The following RFX3 variants were observed in gnomAD, a reference collection of about 807,000 sequenced individuals.
RFX3 encodes regulatory factor X3.
A neutral mutation model predicts 98.6 loss-of-function variants in RFX3; 14 were observed. The observed-to-expected ratio is 0.14, with a 90% confidence interval of 0.09 to 0.22. The LOEUF is 0.22. RFX3 is among the 10% of genes least tolerant of loss of function. The pLI, the probability that RFX3 is intolerant of heterozygous loss-of-function variation, is 1.00. For missense variants in RFX3, 639 were observed against 926.9 expected (o/e 0.69, Z 4.03); for synonymous variants, 383 against 328.4 (o/e 1.17, Z -1.80).
At chr9:3,503,554 G>A (rs1816281293) in intron 1 of RFX3, among the ~76,000 whole-genome samples, 1 of 151,940 alleles carries the variant, frequency 6.6e-6, no homozygotes, top group Non-Finnish European at 1.5e-5. Context: ...AACTGAAATG[G>A]AAAATATGGT....
intron 1 of RFX3, among the ~76,000 whole-genome samples, chr9:3,520,201 A>G (rs1249148509): frequency 6.6e-6 from 1 of 152,228 alleles, no homozygotes; most frequent in Non-Finnish European, 1.5e-5. Flanking sequence ...TAGCAAGACC[A>G]GTATTTAAAC....
At chr9:3,368,190 G>C (rs1587353222) in intron 2 of RFX3, among the ~76,000 whole-genome samples, 1 of 151,968 alleles carries the variant, frequency 6.6e-6, no homozygotes, top group South Asian at 2.1e-4. Context: ...ATATTACTCT[G>C]AAAGCAGTTT....
intron 1 of RFX3, among the ~76,000 whole-genome samples, chr9:3,431,110 T>C (rs963309520): frequency 4.6e-5 from 7 of 152,222 alleles, no homozygotes; most frequent in Non-Finnish European, 7.3e-5. Context: ...GTGTTGCTAT[T>C]GTGAGTGAGC....
intron 1 of RFX3, among the ~76,000 whole-genome samples, chr9:3,462,234 C>T (rs1028261586): frequency 6.6e-6 from 1 of 151,940 alleles, no homozygotes; most frequent in African/African-American, 2.4e-5. Flanking sequence ...CAGATAATGA[C>T]AAAATGGGAT....
At chr9:3,466,141 G>T (rs377311128) in intron 1 of RFX3, among the ~76,000 whole-genome samples, 1 of 152,168 alleles carries the variant, frequency 6.6e-6, no homozygotes, top group South Asian at 2.1e-4. Context: ...TTTTTACTCT[G>T]TAGCAGGAAA....
chr9:3,411,294 A>G (rs1417207473), intron 1 of RFX3, among the ~76,000 whole-genome samples: 2 of 152,170 alleles, frequency 1.3e-5, no homozygotes, highest in Admixed American at 6.6e-5. Context: ...AGAGCAACCC[A>G]GTCCATCTTC....
At chr9:3,507,255 A>AT (rs1189808278) in intron 1 of RFX3, among the ~76,000 whole-genome samples, 1 of 151,942 alleles carries the variant, frequency 6.6e-6, no homozygotes, top group Non-Finnish European at 1.5e-5. Context: ...TTTAGAAGAG[A>AT]TTAATTGAAG....
At chr9:3,352,598 A>AT (rs1247093287) in intron 2 of RFX3, among the ~76,000 whole-genome samples, 1 of 152,112 alleles carries the variant, frequency 6.6e-6, no homozygotes, top group East Asian at 1.9e-4. Flanking sequence ...TTGAAAGATT[A>AT]TAAGACTTCC....
intron 1 of RFX3, among the ~76,000 whole-genome samples, chr9:3,496,294 T>C (rs113514741): frequency 0.09 from 13,658 of 152,072 alleles, 815 homozygotes; most frequent in Middle Eastern, 0.13. Context: ...TATTTTTTTC[T>C]ATTACTGCTC....
At position 3,341,654 on chromosome 9, in the gene RFX3, A is replaced by G. The variant is rs745743462; in HGVS notation, c.215+5013T>C. On this transcript the variant is annotated intron_variant, in intron 3 of 16. Coordinates refer to ENST00000617270, the MANE Select transcript of RFX3 (RefSeq NM_001282116.2). ...TTCATTCAGCAAATATAGATTGAGC[A>G]CCGATCATGGGCCATTGTTTTAGGT... Among the ~76,000 whole-genome samples, 14 of 152,196 alleles carry G rather than the reference A, an allele frequency of 9.2e-5. No individual in the cohort carries two copies. The South Asian group carries it at 2.7e-3, about 29-fold the overall frequency.
chr9:3,435,270 T>G (rs1216885114), intron 1 of RFX3, among the ~76,000 whole-genome samples: 1 of 152,096 alleles, frequency 6.6e-6, no homozygotes, highest in Admixed American at 6.6e-5. Context: ...CTTTATAAAC[T>G]TTTTAATTTT....
Position 3,219,542 on chromosome 9 carries a change from AC to A in RFX3, c.*5499del, listed in dbSNP as rs1158048270. 4 of 152,156 alleles carry A rather than the reference AC, an allele frequency of 2.6e-5. No individual in the cohort carries two copies. The highest frequency in any genetic ancestry group is 7.2e-5 in the African/African-American group (3 of 41,438). The allele number at this position is 152,156 out of a possible 1,614,324, so 9.4% of individuals were successfully genotyped here. A position where few individuals can be genotyped will look rare whatever the true frequency, so the allele number is the denominator to read the frequency against. On this transcript the variant is annotated 3_prime_UTR_variant, in exon 17 of 17. Coordinates refer to ENST00000617270, the MANE Select transcript of RFX3 (RefSeq NM_001282116.2). ...AAAACACATTTTTCTTTTTAAAAAA[AC>A]ATATTATCAATTATTTCAAATGAAA...
Position 3,270,396 on chromosome 9 carries a change from G to A in RFX3, c.1332C>T (p.Ile444=). The part of the protein sequence containing the change: ...GMYQALVEIL[I]PDVLRPIPSA... Reference sequence around the variant, plus strand: ...TAGGAATAGGTCTAAGGACGTCGGGGATGAGAATCTCCACCAAAGCCTGGT... The same window carrying A: ...TAGGAATAGGTCTAAGGACGTCGGGAATGAGAATCTCCACCAAAGCCTGGT... The change falls in exon 11 of 17, where the codon ATC becomes ATT. Residue 444 remains isoleucine (I), a synonymous_variant. Transcript: ENST00000617270. The A allele has an allele frequency of 6.2e-7, 1 of 1,613,690 alleles. No homozygotes were observed. The highest frequency in any genetic ancestry group is 8.5e-7 in the Non-Finnish European group (1 of 1,179,768).
intron 7 of RFX3, among the ~76,000 whole-genome samples, chr9:3,283,204 A>G (rs1330893139): frequency 6.6e-6 from 1 of 151,772 alleles, no homozygotes; most frequent in Non-Finnish European, 1.5e-5. Context: ...CAATCTGACC[A>G]ATTGCCAGGC....
intron 1 of RFX3, among the ~76,000 whole-genome samples, chr9:3,473,134 A>C (rs1848928643): frequency 6.6e-6 from 1 of 152,176 alleles, no homozygotes; most frequent in African/African-American, 2.4e-5. Context: ...AATGGTAGGC[A>C]AACACTTCAC....
At chr9:3,470,303 C>CT (rs996507180) in intron 1 of RFX3, among the ~76,000 whole-genome samples, 1 of 151,076 alleles carries the variant, frequency 6.6e-6, no homozygotes, top group Non-Finnish European at 1.5e-5. Flanking sequence ...AGATTCTTTT[C>CT]TTTTTTTCTT....
chr9:3,494,250 T>C (rs1437371879), intron 1 of RFX3, among the ~76,000 whole-genome samples: 1 of 152,172 alleles, frequency 6.6e-6, no homozygotes, highest in Non-Finnish European at 1.5e-5. Flanking sequence ...TAAATTTGCA[T>C]AGTATAGTAA....
At chr9:3,314,678 A>C (rs1830368559) in intron 4 of RFX3, among the ~76,000 whole-genome samples, 1 of 152,128 alleles carries the variant, frequency 6.6e-6, no homozygotes, top group African/African-American at 2.4e-5. Context: ...ATGAAGGAAG[A>C]TCTACCAAGC....
At chr9:3,255,887 G>A (rs188981711) in intron 14 of RFX3, among the ~76,000 whole-genome samples, 2 of 151,848 alleles carry the variant, frequency 1.3e-5, no homozygotes, top group East Asian at 1.9e-4. Context: ...TACTGTCTAC[G>A]AGATTACTGA....
Sources: gnomAD v4.1 joint callset for allele counts (sites outside exome capture counted in the v4.1 genomes callset) on GRCh38, gnomAD v4.1.1 for gene constraint, MANE v1.5 for transcripts, NCBI Gene and HGNC (gene_info 2026-07-23, HGNC 2026-07-21) for gene names.